Variants in FNIP2 observed in about 807,000 individuals in gnomAD.
FNIP2 encodes the protein folliculin-interacting protein 2.
Under a neutral mutation model 108.7 loss-of-function variants are expected in FNIP2, and 32 were observed. The observed-to-expected ratio is 0.29, with a 90% CI of 0.22 to 0.40. FNIP2 has a LOEUF of 0.40. Among genes scored for constraint, FNIP2 ranks in the 10% least tolerant of loss-of-function variants. FNIP2 has a pLI of 1.00. For missense variants in FNIP2, 1,202 were observed against 1,381.6 expected, an observed-to-expected ratio of 0.87 and a Z score of 2.06; for synonymous variants, 480 against 496.7, an observed-to-expected ratio of 0.97 and a Z score of 0.45.
At chr4:158,809,326 G>A (rs1363452694) in intron 1 of FNIP2, among the ~76,000 whole-genome samples, 3 of 152,156 alleles carry the variant, frequency 2.0e-5, no homozygotes, top group African/African-American at 4.8e-5. Context: ...AGATGTGGTA[G>A]CAGGTACCTG....
chr4:158,773,667 GT>G (rs997591027), intron 1 of FNIP2, among the ~76,000 whole-genome samples: 6 of 152,128 alleles, frequency 3.9e-5, no homozygotes, highest in African/African-American at 1.4e-4. Flanking sequence ...TTCAGAGGCT[GT>G]TTTCTTTCTG....
chr4:158,815,405 C>T (rs1264158089), intron 1 of FNIP2, among the ~76,000 whole-genome samples: 1 of 135,308 alleles, frequency 7.4e-6, no homozygotes. Flanking sequence ...TTTTTTGAGA[C>T]GGAGTCTTGC....
At chr4:158,827,057 G>T (rs1234974922) in intron 2 of FNIP2, among the ~76,000 whole-genome samples, 1 of 152,198 alleles carries the variant, frequency 6.6e-6, no homozygotes, top group African/African-American at 2.4e-5. Flanking sequence ...TAGCTGGGTG[G>T]ATTCCACAGT....
At chr4:158,840,291 A>T (rs541551609) in intron 7 of FNIP2, among the ~76,000 whole-genome samples, 12 of 152,344 alleles carry the variant, frequency 7.9e-5, no homozygotes, top group African/African-American at 2.9e-4. Context: ...ATTTTTACCT[A>T]GAAATGTCTA....
chr4:158,845,397 C>T (rs75532735), intron 7 of FNIP2, among the ~76,000 whole-genome samples: 3,198 of 152,246 alleles, frequency 0.021, 117 homozygotes, highest in African/African-American at 0.073. Flanking sequence ...TAGGGGAGAG[C>T]CCATGTTGCT....
At chr4:158,828,977 C>G (rs1578876842) in intron 2 of FNIP2, 102 bp from the exon 3 acceptor site, 1 of 961,098 alleles carries the variant, frequency 1.0e-6, no homozygotes, top group Non-Finnish European at 1.5e-6. Flanking sequence ...TTAATGCAAC[C>G]TAGGCACCAG....
At chr4:158,804,730 T>A (rs1191185995) in intron 1 of FNIP2, among the ~76,000 whole-genome samples, 1 of 152,188 alleles carries the variant, frequency 6.6e-6, no homozygotes, top group Non-Finnish European at 1.5e-5. Flanking sequence ...GTATAAGTAA[T>A]CTTTTGGTTC....
At chr4:158,844,509 C>T (rs772344189) in intron 7 of FNIP2, among the ~76,000 whole-genome samples, 2 of 152,254 alleles carry the variant, frequency 1.3e-5, no homozygotes, top group South Asian at 2.1e-4. Flanking sequence ...CCCCCAAAAA[C>T]CTTTGTGCTA....
intron 8 of FNIP2, among the ~76,000 whole-genome samples, chr4:158,856,384 C>T (rs765209045): frequency 6.6e-6 from 1 of 152,106 alleles, no homozygotes; most frequent in Non-Finnish European, 1.5e-5. Flanking sequence ...ACTTAAATAG[C>T]CATTTTTGCT....
At chr4:158,831,123 A>C (rs1778459406) in intron 3 of FNIP2, among the ~76,000 whole-genome samples, 1 of 152,216 alleles carries the variant, frequency 6.6e-6, no homozygotes, top group Non-Finnish European at 1.5e-5. Context: ...CATCAAATAT[A>C]TTGAGAGAAG....
chr4:158,840,111 A>C (rs916268031), intron 7 of FNIP2, among the ~76,000 whole-genome samples: 6 of 152,124 alleles, frequency 3.9e-5, no homozygotes, highest in Non-Finnish European at 8.8e-5. Flanking sequence ...AAGTTCAGTG[A>C]TTAATGGGAC....
chr4:158,850,159 G>C (rs1779618939), intron 7 of FNIP2, among the ~76,000 whole-genome samples: 1 of 152,198 alleles, frequency 6.6e-6, no homozygotes, highest in Non-Finnish European at 1.5e-5. Flanking sequence ...AATAGTTCAT[G>C]TGGAGACACT....
Position 158,862,406 on chromosome 4 carries a change from G to C in FNIP2, c.1465+630G>C, listed in dbSNP as rs145594794. Among the ~76,000 whole-genome samples the C allele has an allele frequency of 1.9e-4, 29 of 152,286 alleles. No homozygotes were observed. The East Asian group carries it at 5.6e-3, about 29-fold the overall frequency. ...GTCTTGTCCTTGTGCTCTTGGTCGT[G>C]AGATGTATAAATGAATACAAGCTCC... On this transcript the variant is annotated intron_variant, in intron 12 of 16. Coordinates refer to ENST00000264433, the MANE Select transcript of FNIP2 (RefSeq NM_020840.3).
At chr4:158,859,859 G>A (rs1171573796) in intron 10 of FNIP2, among the ~76,000 whole-genome samples, 193 bp downstream of exon 10, 1 of 152,172 alleles carries the variant, frequency 6.6e-6, no homozygotes, top group Non-Finnish European at 1.5e-5. Context: ...CCTCACTATT[G>A]CTCAACCGAC....
At chr4:158,875,476 A>T (rs889846234) in intron 14 of FNIP2, among the ~76,000 whole-genome samples, 1 of 146,992 alleles carries the variant, frequency 6.8e-6, no homozygotes, top group East Asian at 1.9e-4. Flanking sequence ...TGCAGGAATC[A>T]GTAGCACAGA....
intron 8 of FNIP2, among the ~76,000 whole-genome samples, chr4:158,858,302 T>C (rs952845835): frequency 6.6e-6 from 1 of 152,228 alleles, no homozygotes; most frequent in African/African-American, 2.4e-5. Context: ...AAAACTATTT[T>C]ATTTGTACTC....
chr4:158,793,656 A>G (rs1776492411), intron 1 of FNIP2, among the ~76,000 whole-genome samples: 1 of 152,174 alleles, frequency 6.6e-6, no homozygotes, highest in Non-Finnish European at 1.5e-5. Flanking sequence ...GCGAATGAGC[A>G]TACTTATGGT....
rs571501621 is a variant in FNIP2 at position 158,816,368 on chromosome 4, G to A, written c.108-9548G>A. ...ATATGATTTCCCAAAATGAGGGAGGGGAAAGATATGAAATCATCTTGATGC... is the reference window on the plus strand; with the variant it reads ...ATATGATTTCCCAAAATGAGGGAGGAGAAAGATATGAAATCATCTTGATGC... On this transcript the variant is annotated intron_variant, in intron 1 of 16. Coordinates refer to ENST00000264433, the MANE Select transcript of FNIP2 (RefSeq NM_020840.3). Among the ~76,000 whole-genome samples the A allele has an allele frequency of 7.5e-4, 114 of 152,156 alleles. 2 individuals are homozygous for A. The highest frequency in any genetic ancestry group is 3.4e-3 in the Middle Eastern group (1 of 294).
intron 1 of FNIP2, among the ~76,000 whole-genome samples, chr4:158,770,672 A>G (rs1775667536): frequency 6.6e-6 from 1 of 152,172 alleles, no homozygotes; most frequent in South Asian, 2.1e-4. Context: ...TGGGAATTCT[A>G]TGCCTTTTGT....
Sources: gnomAD v4.1 joint callset for allele counts (sites outside exome capture counted in the v4.1 genomes callset) on GRCh38, gnomAD v4.1.1 for gene constraint, MANE v1.5 for transcripts, NCBI Gene and HGNC (gene_info 2026-07-23, HGNC 2026-07-21) for gene names.